Variants in ACSL6 observed in about 807,000 individuals in gnomAD.
The protein encoded by ACSL6 is acyl-CoA synthetase long chain family member 6, also known as long-chain-fatty-acid--CoA ligase 6.
A neutral mutation model predicts 98.2 loss-of-function variants in ACSL6; 47 were observed. That is an observed-to-expected ratio of 0.48 (90% CI 0.38 to 0.61). The LOEUF is 0.61. Among genes scored for constraint, ACSL6 ranks in the 20% least tolerant of loss-of-function variants. ACSL6 has a pLI of 0.00. For synonymous variants in ACSL6, 362 were observed against 336.9 expected, an observed-to-expected ratio of 1.07 and a Z score of -0.82; for missense variants, 761 against 913.4, an observed-to-expected ratio of 0.83 and a Z score of 2.15.
At chr5:131,959,919 G>A (rs867856356) in intron 19 of ACSL6, 5 of 395,460 alleles carry the variant, frequency 1.3e-5, no homozygotes, top group East Asian at 1.0e-4. Context: ...CCAGGGTCCC[G>A]TAGGAGAGGG....
At chr5:131,966,885 C>G (rs918570435) in intron 16 of ACSL6, among the ~76,000 whole-genome samples, 5 of 152,200 alleles carry the variant, frequency 3.3e-5, no homozygotes, top group African/African-American at 1.2e-4. Flanking sequence ...ATGCTTCAGC[C>G]CCCTGCTCCA....
At chr5:131,956,249 A>G (rs1353041677) in intron 20 of ACSL6, among the ~76,000 whole-genome samples, 1 of 152,244 alleles carries the variant, frequency 6.6e-6, no homozygotes, top group Non-Finnish European at 1.5e-5. Context: ...TTATATGGTT[A>G]AGTAGAAATG....
At chr5:131,963,932 G>A (rs1289751903) in intron 17 of ACSL6, among the ~76,000 whole-genome samples, 1 of 152,192 alleles carries the variant, frequency 6.6e-6, no homozygotes, top group Non-Finnish European at 1.5e-5. Context: ...AGAAAGCTTA[G>A]TTAACTCCTC....
At position 132,011,655 on chromosome 5, in the gene ACSL6, C is replaced by G. The variant is rs1427731295; in HGVS notation, c.-102G>C. On this transcript the variant is annotated 5_prime_UTR_variant, in exon 1 of 21. Coordinates refer to ENST00000651883, the MANE Select transcript of ACSL6 (RefSeq NM_001009185.3). This position sits in a 1 kb window ranked among gnomAD's most constrained non-coding sequence, Gnocchi z 5.4. ...CCAGCAGTAGCCGCGCCGCCGCCGC[C>G]GCTGCCGGGTATTTTTAGCCCCCGC... The G allele has an allele frequency of 3.2e-6, 4 of 1,259,238 alleles. No individual in the cohort carries two copies. Among genetic ancestry groups the G allele is most frequent in the East Asian group, 6.4e-5 (2 of 31,138 alleles). The allele number at this position is 1,259,238 out of a possible 1,614,324, so 78.0% of individuals were successfully genotyped here. A position where few individuals can be genotyped will look rare whatever the true frequency, so the allele number is the denominator to read the frequency against.
At chr5:131,976,193 C>G in intron 10 of ACSL6, 1 of 985,418 alleles carries the variant, frequency 1.0e-6, no homozygotes, top group Non-Finnish European at 1.2e-6. Context: ...CCTTTAAGTA[C>G]AGCCTTATAA....
chr5:131,978,258 C>T (rs1012037800), intron 9 of ACSL6, among the ~76,000 whole-genome samples: 2 of 152,278 alleles, frequency 1.3e-5, no homozygotes, highest in Admixed American at 6.5e-5. Context: ...ATCAAGAGTA[C>T]ACCAAAGACA....
rs1752137587 is a variant in ACSL6 at position 131,951,146 on chromosome 5, G to C, written c.*3088C>G. 4.9e-6 allele frequency: 1 copy of C among 206,068 alleles called. No individual in the cohort carries two copies. Among genetic ancestry groups the C allele is most frequent in the Non-Finnish European group, 9.9e-6 (1 of 100,946 alleles). 12.8% of individuals were successfully genotyped at this position (206,068 alleles called of 1,614,324 possible). A position where few individuals can be genotyped will look rare whatever the true frequency, so the allele number is the denominator to read the frequency against. ...AAATATGAGAATTACTAATACATTT[G>C]AATAACAGATAAAAAGGCCAAACAT... On this transcript the variant is annotated 3_prime_UTR_variant, in exon 21 of 21. Coordinates refer to ENST00000651883, the MANE Select transcript of ACSL6 (RefSeq NM_001009185.3).
chr5:131,965,279 G>A (rs999738126), intron 17 of ACSL6, among the ~76,000 whole-genome samples: 1 of 152,214 alleles, frequency 6.6e-6, no homozygotes, highest in Non-Finnish European at 1.5e-5. Flanking sequence ...AGTGCTCAGT[G>A]TCAGTGACAG....
intron 17 of ACSL6, 54 bp from the exon 18 acceptor site, chr5:131,962,732 C>T (rs1561777084): frequency 1.9e-6 from 3 of 1,598,940 alleles, no homozygotes; most frequent in East Asian, 2.2e-5. Context: ...AAGCCTGAAC[C>T]TTTGCTCCTC....
chr5:132,011,646 C>G lies in ACSL6; in HGVS notation c.-93G>C. On this transcript the variant is annotated 5_prime_UTR_variant, in exon 1 of 21. Coordinates refer to ENST00000651883, the MANE Select transcript of ACSL6 (RefSeq NM_001009185.3). This position sits in a 1 kb window ranked among gnomAD's most constrained non-coding sequence, Gnocchi z 5.4. ...CCAGCAGCCCCAGCAGTAGCCGCGC[C>G]GCCGCCGCCGCTGCCGGGTATTTTT... is the stretch of plus-strand genomic sequence containing the variant. 7.9e-7 allele frequency: 1 copy of G among 1,259,978 alleles called. No homozygotes were observed. Among genetic ancestry groups the G allele is most frequent in the South Asian group, 3.7e-5 (1 of 27,114 alleles). 78.0% of individuals were successfully genotyped at this position (1,259,978 alleles called of 1,614,324 possible).
rs1331304064 is a variant in ACSL6, at chr5:131,959,565, T to C, written c.2002A>G (p.Lys668Glu). ...AILEDMVRLG[K>E]ESGLHSFEQV... Reference sequence around the variant, plus strand: ...TCAAAAGAATGGAGTCCACTTTCTTTTCCTAACCTCACCATATCTTCCAAA... The same window carrying C: ...TCAAAAGAATGGAGTCCACTTTCTTCTCCTAACCTCACCATATCTTCCAAA... The change falls in exon 20 of 21, where the codon AAA (lysine) becomes GAA (glutamate). Residue 668 changes from lysine to glutamate, a missense_variant. Physicochemically the swap from Lys to Glu is moderately conservative, Grantham distance 56 (BLOSUM62 1). Coordinates refer to ENST00000651883, the MANE Select transcript of ACSL6 (RefSeq NM_001009185.3). 14 of 1,614,208 alleles carry C rather than the reference T, an allele frequency of 8.7e-6. No homozygotes were observed. Among genetic ancestry groups the C allele is most frequent in the Non-Finnish European group, 1.2e-5 (14 of 1,180,038 alleles).
chr5:131,976,473 A>G (rs1326715502), intron 10 of ACSL6, among the ~76,000 whole-genome samples, 175 bp downstream of exon 10: 2 of 151,938 alleles, frequency 1.3e-5, no homozygotes, highest in Non-Finnish European at 2.9e-5. Context: ...GTGAAAAGTG[A>G]TGGTAAAAGT....
intron 8 of ACSL6, among the ~76,000 whole-genome samples, chr5:131,986,035 T>C (rs781638338): frequency 1.3e-5 from 2 of 152,058 alleles, no homozygotes; most frequent in African/African-American, 2.4e-5. Context: ...GAGGTGACAG[T>C]TGAGTTGAGA....
Position 131,950,189 on chromosome 5 carries a change from C to T in ACSL6, c.*4045G>A, listed in dbSNP as rs1458733618. ...AAAATATCCATTCTCCCCCATGCAA[C>T]TGTTGCAATGATTTAACAAGGAAAA... On this transcript the variant is annotated 3_prime_UTR_variant, in exon 21 of 21. Transcript: ENST00000651883. The T allele has an allele frequency of 5.1e-6, 1 of 197,294 alleles. No homozygotes were observed. Among genetic ancestry groups the T allele is most frequent in the Non-Finnish European group, 1.1e-5 (1 of 95,228 alleles). 12.2% of individuals were successfully genotyped at this position (197,294 alleles called of 1,614,324 possible). A position where few individuals can be genotyped will look rare whatever the true frequency, so the allele number is the denominator to read the frequency against.
intron 11 of ACSL6, chr5:131,973,973 C>A (rs1753469763): frequency 6.6e-6 from 1 of 152,388 alleles, no homozygotes; most frequent in Admixed American, 6.5e-5. Context: ...TCATAGCAAC[C>A]CTATAAGGGA....
chr5:131,976,783 G>C, intron 9 of ACSL6, 62 bp from the exon 10 acceptor site: 1 of 1,451,568 alleles, frequency 6.9e-7, no homozygotes, highest in Non-Finnish European at 9.7e-7. Context: ...CTTGAGAGCA[G>C]TGCCCAAGTT....
rs552285279 is a variant in ACSL6, at chr5:131,974,839, T to C, written c.1068+54A>G. On this transcript the variant is annotated intron_variant, in intron 11 of 20. Coordinates refer to ENST00000651883, the MANE Select transcript of ACSL6 (RefSeq NM_001009185.3). ...CACAAGTGGGAGCCCACTGACTCTG[T>C]AAGAAAAAAGAAGGAGCCCAGGCAA... The C allele has an allele frequency of 1.5e-5, 25 of 1,613,562 alleles. No homozygotes were observed. The South Asian group carries it at 2.4e-4, about 16-fold the overall frequency.
chr5:131,976,988 G>C (rs182321822), intron 9 of ACSL6, among the ~76,000 whole-genome samples: 1 of 152,216 alleles, frequency 6.6e-6, no homozygotes, highest in Non-Finnish European at 1.5e-5. Flanking sequence ...AGGCCTGAAG[G>C]GTCAACTGCT....
intron 10 of ACSL6, chr5:131,975,959 G>A: frequency 1.0e-6 from 1 of 985,404 alleles, no homozygotes; most frequent in South Asian, 4.7e-5. Flanking sequence ...TAAGTGTTTG[G>A]GGCACACACT....
Sources: gnomAD v4.1 joint callset for allele counts (sites outside exome capture counted in the v4.1 genomes callset) on GRCh38, gnomAD v4.1.1 for gene constraint, Gnocchi (gnomAD v3.1) non-coding constraint, MANE v1.5 for transcripts, NCBI Gene and HGNC (gene_info 2026-07-23, HGNC 2026-07-21) for gene names.